KIF13B: variants seen among roughly 807,000 people sequenced by gnomAD.
KIF13B encodes kinesin family member 13B, also known as kinesin-like protein KIF13B.
KIF13B carries 127 observed loss-of-function variants against 222.0 expected under a neutral mutation model. The observed-to-expected ratio is 0.57, with a 90% CI of 0.50 to 0.66. The LOEUF is 0.66. Among genes scored for constraint, KIF13B ranks in the 30% least tolerant of loss-of-function variants. The pLI, the probability that KIF13B is intolerant of heterozygous loss-of-function variation, is 0.00. For missense variants in KIF13B, 2,173 were observed against 2,379.0 expected (o/e 0.91, Z 1.80); for synonymous variants, 976 against 919.0 (o/e 1.06, Z -1.12).
chr8:29,256,840 C>T (rs771696474), intron 1 of KIF13B, among the ~76,000 whole-genome samples: 3 of 152,160 alleles, frequency 2.0e-5, no homozygotes, highest in Non-Finnish European at 2.9e-5. Context: ...CTGCAACCTC[C>T]GCCTTCCAGG....
chr8:29,093,910 A>C (rs974479779), intron 36 of KIF13B, among the ~76,000 whole-genome samples: 2 of 152,238 alleles, frequency 1.3e-5, no homozygotes, highest in African/African-American at 4.8e-5. Flanking sequence ...GATGAGAAAA[A>C]TAAGAGAGGA....
chr8:29,109,868 A>T (rs1171830519), intron 33 of KIF13B, 50 bp downstream of exon 33: 1 of 1,582,270 alleles, frequency 6.3e-7, no homozygotes, highest in African/African-American at 1.3e-5. Flanking sequence ...ACACAGACTC[A>T]GCCTGCATCA....
chr8:29,155,606 C>A (rs1364556905), intron 14 of KIF13B, 120 bp downstream of exon 14: 2 of 808,968 alleles, frequency 2.5e-6, no homozygotes, highest in South Asian at 3.4e-5. Flanking sequence ...AGGGGCCCGC[C>A]CAACCAACTG....
intron 2 of KIF13B, among the ~76,000 whole-genome samples, chr8:29,203,685 G>A (rs1325088686): frequency 6.6e-6 from 1 of 152,138 alleles, no homozygotes; most frequent in Non-Finnish European, 1.5e-5. Flanking sequence ...AAGGTCAGGA[G>A]TTCGAGACCA....
intron 37 of KIF13B, among the ~76,000 whole-genome samples, chr8:29,083,729 T>C (rs894675718): frequency 1.3e-5 from 2 of 152,270 alleles, no homozygotes; most frequent in South Asian, 2.1e-4. Flanking sequence ...CAGAAATCAG[T>C]TGCCCTGAAT....
intron 17 of KIF13B, among the ~76,000 whole-genome samples, chr8:29,146,940 G>A (rs1363751119): frequency 6.6e-6 from 1 of 152,218 alleles, no homozygotes; most frequent in African/African-American, 2.4e-5. Flanking sequence ...GTGAAGTACA[G>A]TCTGCAACCA....
intron 14 of KIF13B, among the ~76,000 whole-genome samples, chr8:29,152,106 A>T (rs1172813927): frequency 6.6e-6 from 1 of 152,204 alleles, no homozygotes; most frequent in Admixed American, 6.5e-5. Flanking sequence ...TGTGGTGGAA[A>T]TAGCAAGAGA....
At chr8:29,134,007 T>C in intron 22 of KIF13B, 33 bp downstream of exon 22, 1 of 1,594,234 alleles carries the variant, frequency 6.3e-7, no homozygotes, top group Non-Finnish European at 8.6e-7. Flanking sequence ...ATGAGTAATC[T>C]AAATGCTGAC....
rs1810845164 is a variant in KIF13B, at chr8:29,142,172, A to C, written c.2319T>G (p.Cys773Trp). ...MRDLYQEWKE[C>W]EEDNPVIRSY... Reference sequence around the variant, plus strand: ...AATAACTTACTGGGTTATCTTCTTCACACTCTTTCCACTCCTGATAAAGGT... The same window carrying C: ...AATAACTTACTGGGTTATCTTCTTCCCACTCTTTCCACTCCTGATAAAGGT... Residue 773 changes from cysteine (C) to tryptophan (W), a missense_variant, in exon 19 of 40, where the codon TGT (cysteine) becomes TGG (tryptophan). Physicochemically the swap from Cys to Trp is radical, Grantham distance 215. Transcript: ENST00000524189. The C allele has an allele frequency of 6.2e-7, 1 of 1,613,346 alleles. No individual in the cohort carries two copies. Among genetic ancestry groups the C allele is most frequent in the Non-Finnish European group, 8.5e-7 (1 of 1,179,454 alleles).
intron 34 of KIF13B, 90 bp downstream of exon 34, chr8:29,109,343 TG>T: frequency 1.0e-6 from 1 of 991,372 alleles, no homozygotes; most frequent in Non-Finnish European, 1.6e-6. Context: ...GTTTCGGAGA[TG>T]GGGTTTGACG....
intron 12 of KIF13B, among the ~76,000 whole-genome samples, chr8:29,161,202 C>A (rs563575249): frequency 1.3e-5 from 2 of 152,138 alleles, no homozygotes; most frequent in Non-Finnish European, 2.9e-5. Context: ...CTTTCCTCAA[C>A]CGGGATCCTT....
At chr8:29,251,621 AGAG>A (rs1202312938) in intron 1 of KIF13B, among the ~76,000 whole-genome samples, 2 of 152,156 alleles carry the variant, frequency 1.3e-5, no homozygotes, top group Non-Finnish European at 2.9e-5. Flanking sequence ...AAAATGAGAA[AGAG>A]GAGTTGTTAT....
chr8:29,223,628 G>A (rs188661668), intron 2 of KIF13B, among the ~76,000 whole-genome samples: 18 of 152,318 alleles, frequency 1.2e-4, no homozygotes, highest in Admixed American at 1.2e-3. Context: ...GATAAAGATA[G>A]TGTATTCCTC....
At chr8:29,263,107 C>T, upstream of KIF13B, 5 of 641,348 alleles carry the variant, frequency 7.8e-6, no homozygotes, top group Admixed American at 7.9e-5. Flanking sequence ...GTTGACCCGG[C>T]GGGAGGGGGC....
In KIF13B at chr8:29,160,732, C is replaced by T. The variant is rs1339945176; in HGVS notation, c.1404+1G>A. 1 of 1,612,614 alleles carries T rather than the reference C, an allele frequency of 6.2e-7. No individual in the cohort carries two copies. Among genetic ancestry groups the T allele is most frequent in the Non-Finnish European group, 8.5e-7 (1 of 1,179,222 alleles). On this transcript the variant is annotated splice_donor_variant, in intron 13 of 39. Coordinates refer to ENST00000524189, the MANE Select transcript of KIF13B (RefSeq NM_015254.4). LOFTEE classifies it high-confidence loss of function. ...TCTAGTAGCAAAGCACATTACTTCA[C>T]CTTTAAATAGTACACCAGAAGCTCA...
chr8:29,161,901 G>C (rs1811799365), intron 12 of KIF13B, among the ~76,000 whole-genome samples: 1 of 152,060 alleles, frequency 6.6e-6, no homozygotes, highest in Non-Finnish European at 1.5e-5. Flanking sequence ...TGTGTTCCCA[G>C]CACTTAGCAC....
At chr8:29,262,892 C>T (rs1235492824) in intron 1 of KIF13B, 88 bp downstream of exon 1, 1 of 1,072,764 alleles carries the variant, frequency 9.3e-7, no homozygotes, top group Non-Finnish European at 1.3e-6. Flanking sequence ...AGGGGCGGGG[C>T]CGCCGGACCC....
intron 37 of KIF13B, among the ~76,000 whole-genome samples, chr8:29,091,540 T>C (rs1223528813): frequency 6.6e-6 from 1 of 152,222 alleles, no homozygotes; most frequent in African/African-American, 2.4e-5. Flanking sequence ...TAGCTATGGG[T>C]TCCCAGCGCA....
At chr8:29,176,957 G>C (rs1812506706) in intron 9 of KIF13B, among the ~76,000 whole-genome samples, 1 of 152,288 alleles carries the variant, frequency 6.6e-6, no homozygotes, top group Non-Finnish European at 1.5e-5. Context: ...AACGTGGTTA[G>C]TACAAGTTTG....
Sources: allele counts gnomAD v4.1 joint callset (sites outside exome capture counted in the v4.1 genomes callset), GRCh38; gene constraint gnomAD v4.1.1; transcripts MANE v1.5; gene names NCBI Gene and HGNC (gene_info 2026-07-23, HGNC 2026-07-21).